Variants in CEP95 observed in about 807,000 individuals in gnomAD.
CEP95 encodes centrosomal protein of 95 kDa.
A neutral mutation model predicts 111.2 loss-of-function variants in CEP95; 98 were observed. That is an observed-to-expected ratio of 0.88 (90% CI 0.75 to 1.04). The LOEUF is 1.04. Ranked by LOEUF, CEP95 falls within the 50% of genes least tolerant of loss-of-function variation. The pLI is 0.00. For missense variants in CEP95, 1,027 were observed against 977.2 expected, an observed-to-expected ratio of 1.05 and a Z score of -0.68; for synonymous variants, 323 against 327.1, an observed-to-expected ratio of 0.99 and a Z score of 0.14.
rs1967318472 is a variant in CEP95, at chr17:64,521,315, T to C, written c.590-87T>C. 14 of 869,684 alleles carry C rather than the reference T, an allele frequency of 1.6e-5. No homozygotes were observed. The South Asian group carries it at 1.9e-4, about 12-fold the overall frequency. The allele number at this position is 869,684 out of a possible 1,614,324, so 53.9% of individuals were successfully genotyped here. ...TCAACATTATTTAATATTTGTTTCC[T>C]GAGTACAAAACTCTTGGCTTTTAGT... is the stretch of plus-strand genomic sequence containing the variant. On this transcript the variant is annotated intron_variant, in intron 6 of 19. Transcript: ENST00000556440.
At chr17:64,532,668 T>C in intron 14 of CEP95, 171 bp from the exon 15 acceptor site, 1 of 1,421,302 alleles carries the variant, frequency 7.0e-7, no homozygotes, top group Non-Finnish European at 9.1e-7. Flanking sequence ...TCCTTACCAG[T>C]AGTTGGCTTA....
At chr17:64,518,997 A>G (rs1184468362) in intron 5 of CEP95, among the ~76,000 whole-genome samples, 7 of 152,160 alleles carry the variant, frequency 4.6e-5, no homozygotes, top group African/African-American at 1.4e-4. Flanking sequence ...ACTTCTTTCC[A>G]TAAGAATTTT....
rs1555674473 is a variant in CEP95 at position 64,510,203 on chromosome 17, A to T, written c.179A>T (p.Asp60Val). ...ATAGTTATTCCTAGGAGTCAAGAAGATGATGCACACAATGTACAAGCAGTA... is the reference window on the plus strand; with the variant it reads ...ATAGTTATTCCTAGGAGTCAAGAAGTTGATGCACACAATGTACAAGCAGTA... ...DLIVIPRSQE[D>V]DAHNVQAVID... The change falls in exon 3 of 20, where the codon GAT becomes GTT. Residue 60 changes from aspartate (D) to valine (V), a missense_variant. Physicochemically the swap from Asp to Val is radical, Grantham distance 152 (BLOSUM62 -3). Coordinates refer to ENST00000556440, the MANE Select transcript of CEP95 (RefSeq NM_138363.3). The T allele has an allele frequency of 1.2e-6, 2 of 1,610,508 alleles. No homozygotes were observed. Among genetic ancestry groups the T allele is most frequent in the Non-Finnish European group, 1.7e-6 (2 of 1,178,224 alleles).
At chr17:64,509,928 T>C (rs2038800759) in intron 2 of CEP95, among the ~76,000 whole-genome samples, 1 of 151,978 alleles carries the variant, frequency 6.6e-6, no homozygotes. Context: ...TATGGTGTAA[T>C]AAATATTCAA....
intron 8 of CEP95, among the ~76,000 whole-genome samples, chr17:64,524,339 C>G (rs973437874): frequency 1.3e-5 from 2 of 151,916 alleles, no homozygotes; most frequent in African/African-American, 4.8e-5. Flanking sequence ...GACAGAGTGT[C>G]GCTGTGTCGC....
At chr17:64,536,880 C>T (rs1968693215) in intron 18 of CEP95, 132 bp downstream of exon 18, 1 of 1,196,478 alleles carries the variant, frequency 8.4e-7, no homozygotes, top group Non-Finnish European at 1.2e-6. Flanking sequence ...TAGAGGACCC[C>T]ATTTCAAGAT....
chr17:64,527,889 T>TACAC (rs781918290), intron 11 of CEP95, among the ~76,000 whole-genome samples: 3 of 142,918 alleles, frequency 2.1e-5, no homozygotes, highest in Non-Finnish European at 1.5e-5. Context: ...TATATATATA[T>TACAC]ATACACACAC....
chr17:64,524,959 A>ACCC (rs1191157805), intron 8 of CEP95, among the ~76,000 whole-genome samples: 1 of 151,446 alleles, frequency 6.6e-6, no homozygotes, highest in Non-Finnish European at 1.5e-5. Flanking sequence ...TGACAGTAAG[A>ACCC]CCCCATCTCA....
intron 8 of CEP95, 65 bp downstream of exon 8, chr17:64,522,960 T>A: frequency 7.8e-7 from 1 of 1,283,674 alleles, no homozygotes; most frequent in Non-Finnish European, 1.1e-6. Context: ...GTGTGTGTGT[T>A]GGTAATTGAT....
Position 64,510,210 on chromosome 17 carries a change from A to G in CEP95, c.186A>G (p.Ala62=), listed in dbSNP as rs782154004. 3.1e-6 allele frequency: 5 copies of G among 1,611,472 alleles called. No homozygotes were observed. The South Asian group carries it at 3.3e-5, about 11-fold the overall frequency. The part of the protein sequence containing the change: ...IVIPRSQEDD[A]HNVQAVIDSL... ...TTCCTAGGAGTCAAGAAGATGATGC[A>G]CACAATGTACAAGCAGTAATTGATT... The change falls in exon 3 of 20, where the codon GCA becomes GCG. Residue 62 remains alanine, a synonymous_variant. Coordinates refer to ENST00000556440, the MANE Select transcript of CEP95 (RefSeq NM_138363.3).
At chr17:64,516,643 T>C in intron 4 of CEP95, 80 bp from the exon 5 acceptor site, 2 of 825,150 alleles carry the variant, frequency 2.4e-6, no homozygotes, top group Non-Finnish European at 3.8e-6. Flanking sequence ...TCACTGTCCT[T>C]ACCTTTCCCT....
chr17:64,536,593 A>G lies in CEP95; in HGVS notation c.2071-9A>G, dbSNP rs781948060. 7 of 1,587,902 alleles carry G rather than the reference A, an allele frequency of 4.4e-6. No homozygotes were observed. In the South Asian group the frequency reaches 5.8e-5, roughly 13 times the overall value. On this transcript the variant is annotated splice_polypyrimidine_tract_variant and intron_variant, in intron 17 of 19. Transcript: ENST00000556440. ...TCAATGACTATTTTTACGATTAAATAACTGACAGATATTTAAGAAACTGTT... is the reference window on the plus strand; with the variant it reads ...TCAATGACTATTTTTACGATTAAATGACTGACAGATATTTAAGAAACTGTT...
intron 3 of CEP95, among the ~76,000 whole-genome samples, chr17:64,512,598 C>A (rs1018597765): frequency 6.6e-6 from 1 of 152,104 alleles, no homozygotes; most frequent in Non-Finnish European, 1.5e-5. Context: ...AGGATTTATA[C>A]TGTTGATTTA....
At chr17:64,510,615 T>C (rs2038841315) in intron 3 of CEP95, among the ~76,000 whole-genome samples, 1 of 152,208 alleles carries the variant, frequency 6.6e-6, no homozygotes, top group African/African-American at 2.4e-5. Flanking sequence ...AGTGGTGCAA[T>C]CACAGCTCAC....
Position 64,536,700 on chromosome 17 carries a change from A to G in CEP95, c.2169A>G (p.Arg723=). Residue 723 remains arginine (R), a synonymous_variant, in exon 18 of 20, where the codon AGA becomes AGG. Transcript: ENST00000556440. ...YAKEKRDEQR[R]RHQDELDSME... ...AAGAAAAGCGAGATGAACAAAGGAG[A>G]CGCCACCAGGATGAACTGGACTCCA... 2.5e-6 allele frequency: 4 copies of G among 1,612,960 alleles called. No individual in the cohort carries two copies. Among genetic ancestry groups the G allele is most frequent in the Non-Finnish European group, 3.4e-6 (4 of 1,179,588 alleles).
At chr17:64,507,404 C>G (rs1217407586) in intron 1 of CEP95, 2 of 1,373,722 alleles carry the variant, frequency 1.5e-6, no homozygotes, top group Non-Finnish European at 1.9e-6. Flanking sequence ...CGTCCCCGGA[C>G]TTGTCTTTCT....
intron 11 of CEP95, among the ~76,000 whole-genome samples, chr17:64,528,163 A>G (rs1968006989): frequency 6.6e-6 from 1 of 152,172 alleles, no homozygotes; most frequent in Admixed American, 6.5e-5. Context: ...ACTGTTTGAT[A>G]TGCCATTGTT....
chr17:64,520,158 A>G (rs553249421), intron 6 of CEP95, among the ~76,000 whole-genome samples: 202 of 152,326 alleles, frequency 1.3e-3, no homozygotes, highest in Middle Eastern at 6.8e-3. Context: ...TTGATTGGGA[A>G]TGGAAGGGAT....
Position 64,507,074 on chromosome 17 carries a change from C to T in CEP95, c.-24C>T, listed in dbSNP as rs1013270885. The T allele has an allele frequency of 2.6e-6, 4 of 1,550,622 alleles. No homozygotes were observed. The South Asian group carries it at 4.8e-5, about 18-fold the overall frequency. ...GTCGCCTTCCCGGCCGCGTCGGAGT[C>T]CGGCGGCGACCTGCCTCTGAAACAT... On this transcript the variant is annotated 5_prime_UTR_variant, in exon 1 of 20. Coordinates refer to ENST00000556440, the MANE Select transcript of CEP95 (RefSeq NM_138363.3).
Sources: allele counts gnomAD v4.1 joint callset (sites outside exome capture counted in the v4.1 genomes callset), GRCh38; gene constraint gnomAD v4.1.1; transcripts MANE v1.5; gene names NCBI Gene and HGNC (gene_info 2026-07-23, HGNC 2026-07-21).